NOS1AP: variants seen among roughly 807,000 people sequenced by gnomAD.
The protein encoded by NOS1AP is nitric oxide synthase 1 adaptor protein.
NOS1AP carries 21 observed loss-of-function variants against 56.2 expected under a neutral mutation model. The ratio of observed to expected loss-of-function variants is 0.37; its 90% CI spans 0.26 to 0.54. The LOEUF (loss-of-function observed/expected upper bound fraction) is 0.54, where lower values mean the gene tolerates loss of function less well. NOS1AP is among the 20% of genes least tolerant of loss of function. The probability of loss-of-function intolerance (pLI) is 0.84; values close to 1 mark genes in which losing one functional copy is unlikely to be tolerated. For missense variants in NOS1AP, 522 were observed against 657.8 expected, an observed-to-expected ratio of 0.79 and a Z score of 2.26; for synonymous variants, 270 against 274.6, an observed-to-expected ratio of 0.98 and a Z score of 0.17.
chr1:162,275,027 A>G (rs1214037772), intron 2 of NOS1AP, among the ~76,000 whole-genome samples: 1 of 152,096 alleles, frequency 6.6e-6, no homozygotes, highest in Admixed American at 6.5e-5. Context: ...TTGTCTTTTC[A>G]TTCACTTAAA....
At chr1:162,357,633 C>T (rs567117526) in intron 8 of NOS1AP, among the ~76,000 whole-genome samples, 97 of 149,362 alleles carry the variant, frequency 6.5e-4, no homozygotes, top group African/African-American at 2.2e-3. Flanking sequence ...GCCTTCATTA[C>T]GATCTACTTA....
chr1:162,087,127 A>G (rs1158902317), intron 1 of NOS1AP, among the ~76,000 whole-genome samples: 1 of 152,170 alleles, frequency 6.6e-6, no homozygotes. Flanking sequence ...GTAAAGACAC[A>G]CAGGGTTGGA....
intron 1 of NOS1AP, among the ~76,000 whole-genome samples, chr1:162,131,734 A>G (rs376483244): frequency 1.3e-4 from 19 of 149,168 alleles, no homozygotes; most frequent in African/African-American, 4.4e-4. Flanking sequence ...ATAAGGCGGC[A>G]TTTTTTTTTT....
At chr1:162,123,991 A>G (rs1008074575) in intron 1 of NOS1AP, among the ~76,000 whole-genome samples, 2 of 152,226 alleles carry the variant, frequency 1.3e-5, no homozygotes, top group Non-Finnish European at 1.5e-5. Flanking sequence ...TTTTACCATT[A>G]ATATTCTATA....
At chr1:162,364,714 T>C in intron 8 of NOS1AP, 1 of 985,718 alleles carries the variant, frequency 1.0e-6, no homozygotes. Context: ...GTGGTCCTGG[T>C]AATATGTGGT....
intron 4 of NOS1AP, among the ~76,000 whole-genome samples, chr1:162,318,073 C>G (rs1263373216): frequency 1.3e-5 from 2 of 152,174 alleles, no homozygotes; most frequent in African/African-American, 4.8e-5. Context: ...GTCTCGGACC[C>G]CAGGCGAGCT....
At chr1:162,173,860 T>C (rs1163721899) in intron 2 of NOS1AP, among the ~76,000 whole-genome samples, 8 of 152,168 alleles carry the variant, frequency 5.3e-5, no homozygotes, top group Admixed American at 2.6e-4. Context: ...CACAATGAGA[T>C]ACCATCTCAC....
chr1:162,102,407 C>CT (rs1647323314), intron 1 of NOS1AP, among the ~76,000 whole-genome samples: 1 of 152,172 alleles, frequency 6.6e-6, no homozygotes, highest in East Asian at 1.9e-4. Flanking sequence ...CTGAAGTTTT[C>CT]TTTTTTTGTT....
chr1:162,365,351 T>A, intron 8 of NOS1AP, 53 bp from the exon 9 acceptor site: 1 of 1,612,598 alleles, frequency 6.2e-7, no homozygotes, highest in Non-Finnish European at 8.5e-7. Flanking sequence ...TGTGCATTCA[T>A]GTCCCTCTCT....
intron 1 of NOS1AP, among the ~76,000 whole-genome samples, chr1:162,103,648 A>T (rs1647392523): frequency 6.6e-6 from 1 of 152,054 alleles, no homozygotes; most frequent in Admixed American, 6.5e-5. Flanking sequence ...TAGGATAGTT[A>T]TCCCTTGTTG....
At chr1:162,321,021 A>T (rs1247107345) in intron 4 of NOS1AP, among the ~76,000 whole-genome samples, 1 of 152,050 alleles carries the variant, frequency 6.6e-6, no homozygotes, top group Non-Finnish European at 1.5e-5. Context: ...TGTGTCCTGA[A>T]TGGTATTGCC....
chr1:162,291,101 A>G (rs1292865130), intron 3 of NOS1AP, among the ~76,000 whole-genome samples: 1 of 151,478 alleles, frequency 6.6e-6, no homozygotes, highest in African/African-American at 2.4e-5. Flanking sequence ...CCAATCTTCT[A>G]GAGCAGGAGG....
intron 1 of NOS1AP, among the ~76,000 whole-genome samples, chr1:162,135,368 T>C (rs1648948537): frequency 1.3e-5 from 2 of 152,220 alleles, no homozygotes; most frequent in South Asian, 4.1e-4. Flanking sequence ...TTTCATATAC[T>C]GCAAGGGGGA....
chr1:162,328,440 G>A (rs889702881), intron 4 of NOS1AP, among the ~76,000 whole-genome samples: 3 of 152,158 alleles, frequency 2.0e-5, no homozygotes, highest in African/African-American at 7.2e-5. Flanking sequence ...TTTGGAAGAG[G>A]AGTAGCCTTG....
chr1:162,341,065 C>A (rs1265625081), intron 5 of NOS1AP, among the ~76,000 whole-genome samples: 1 of 152,124 alleles, frequency 6.6e-6, no homozygotes, highest in Non-Finnish European at 1.5e-5. Context: ...CATTCTCCCA[C>A]CACCTTTATC....
intron 2 of NOS1AP, among the ~76,000 whole-genome samples, chr1:162,182,884 T>C (rs536813290): frequency 6.6e-6 from 1 of 152,326 alleles, no homozygotes; most frequent in South Asian, 2.1e-4. Flanking sequence ...CTCAAAGTCA[T>C]CCTGGAGAAC....
Position 162,170,993 on chromosome 1 carries a change from G to A in NOS1AP, c.177+16517G>A, listed in dbSNP as rs146375378. Among the ~76,000 whole-genome samples the A allele has an allele frequency of 2.0e-4, 30 of 152,088 alleles. No homozygotes were observed. In the East Asian group the frequency reaches 5.4e-3, roughly 27 times the overall value. On this transcript the variant is annotated intron_variant, in intron 2 of 9. Transcript: ENST00000361897. ...GAACAGAAGAGACAGGCAGCTAAACGGGTGGAGCTCATCCTGCAGGGAGGC... is the reference window on the plus strand; with the variant it reads ...GAACAGAAGAGACAGGCAGCTAAACAGGTGGAGCTCATCCTGCAGGGAGGC...
intron 2 of NOS1AP, among the ~76,000 whole-genome samples, chr1:162,203,824 G>A (rs1170310682): frequency 6.6e-6 from 1 of 152,194 alleles, no homozygotes; most frequent in Non-Finnish European, 1.5e-5. Flanking sequence ...GGCCCCAGAG[G>A]ATTTGGTCTT....
intron 4 of NOS1AP, among the ~76,000 whole-genome samples, chr1:162,324,416 C>CT (rs35946766): frequency 0.054 from 3,856 of 72,040 alleles, 1,047 homozygotes; most frequent in Non-Finnish European, 0.076. Context: ...GGACACTAGC[C>CT]TTTTTTTTTT....
Sources: allele counts gnomAD v4.1 joint callset (sites outside exome capture counted in the v4.1 genomes callset), GRCh38; gene constraint gnomAD v4.1.1; transcripts MANE v1.5; gene names NCBI Gene and HGNC (gene_info 2026-07-23, HGNC 2026-07-21).